LRFN5: variants seen among roughly 807,000 people sequenced by gnomAD.
LRFN5 encodes leucine-rich repeat and fibronectin type-III domain-containing protein 5.
Under a neutral mutation model 45.6 loss-of-function variants are expected in LRFN5, and 24 were observed. The ratio of observed to expected loss-of-function variants is 0.53; its 90% CI spans 0.38 to 0.74. The LOEUF (loss-of-function observed/expected upper bound fraction) is 0.74. Ranked by LOEUF, LRFN5 falls within the 30% of genes least tolerant of loss-of-function variation. The probability of loss-of-function intolerance (pLI) is 0.00; values close to 1 mark genes in which losing one functional copy is unlikely to be tolerated. For missense variants in LRFN5, 776 were observed against 861.5 expected (o/e 0.90, Z 1.24); for synonymous variants, 340 against 313.8 (o/e 1.08, Z -0.88).
chr14:41,645,696 A>T (rs1048688757), intron 1 of LRFN5, among the ~76,000 whole-genome samples: 1 of 152,158 alleles, frequency 6.6e-6, no homozygotes, highest in Non-Finnish European at 1.5e-5. Context: ...GTCATGATTC[A>T]TCTTTCTTAC....
intron 2 of LRFN5, among the ~76,000 whole-genome samples, chr14:41,792,060 G>T (rs1054256430): frequency 2.0e-5 from 3 of 152,052 alleles, no homozygotes; most frequent in African/African-American, 4.8e-5. Flanking sequence ...AAGAAATAAA[G>T]AGAAAGAATA....
Position 41,608,474 on chromosome 14 carries a change from CTG to C in LRFN5, c.-282_-281del, listed in dbSNP as rs1255351208. 2.0e-5 allele frequency: 3 copies of C among 152,724 alleles called. No individual in the cohort carries two copies. The highest frequency in any genetic ancestry group is 2.9e-5 in the Non-Finnish European group (2 of 68,112). 9.5% of individuals were successfully genotyped at this position (152,724 alleles called of 1,614,324 possible). On this transcript the variant is annotated 5_prime_UTR_variant, in exon 1 of 6. The change abolishes the stop of an existing upstream ORF in the 5' untranslated region. Coordinates refer to ENST00000298119, the MANE Select transcript of LRFN5 (RefSeq NM_152447.5). ...AGTGACGAGCGAGACCCGCGTACGA[CTG>C]TGAAAGCCACCTGGAGCCACCTTGC... is the stretch of plus-strand genomic sequence containing the variant.
chr14:41,698,346 T>C (rs952833052), intron 1 of LRFN5, among the ~76,000 whole-genome samples: 4 of 152,124 alleles, frequency 2.6e-5, no homozygotes, highest in Admixed American at 1.3e-4. Context: ...ATTTAGGCAC[T>C]GCTCCAGGCC....
At chr14:41,653,464 TTC>T (rs1374982150) in intron 1 of LRFN5, among the ~76,000 whole-genome samples, 2 of 152,154 alleles carry the variant, frequency 1.3e-5, no homozygotes, top group African/African-American at 4.8e-5. Context: ...AGAAATAAAT[TTC>T]TGTTTTTTAT....
At chr14:41,732,977 T>C (rs78373761) in intron 1 of LRFN5, among the ~76,000 whole-genome samples, 3,448 of 151,812 alleles carry the variant, frequency 0.023, 62 homozygotes, top group Middle Eastern at 0.058. Context: ...ATAGAAAGAT[T>C]TCATCAGGCT....
At chr14:41,873,019 A>T (rs1243022469) in intron 2 of LRFN5, among the ~76,000 whole-genome samples, 1 of 152,182 alleles carries the variant, frequency 6.6e-6, no homozygotes, top group East Asian at 1.9e-4. Flanking sequence ...TTTAAAATTC[A>T]CTGAGTTGAT....
chr14:41,649,626 A>C (rs1321981554), intron 1 of LRFN5, among the ~76,000 whole-genome samples: 4 of 152,154 alleles, frequency 2.6e-5, no homozygotes, highest in African/African-American at 9.7e-5. Flanking sequence ...CATCCTCAAT[A>C]TCTGATCATC....
At chr14:41,704,534 C>T (rs2138732229) in intron 1 of LRFN5, among the ~76,000 whole-genome samples, 1 of 151,312 alleles carries the variant, frequency 6.6e-6, no homozygotes, top group Admixed American at 6.6e-5. Context: ...TCATAGTGTA[C>T]CACAGTCTTG....
chr14:41,647,466 C>T (rs951996452), intron 1 of LRFN5, among the ~76,000 whole-genome samples: 12 of 152,010 alleles, frequency 7.9e-5, no homozygotes, highest in Admixed American at 5.9e-4. Flanking sequence ...GATGTAGGTA[C>T]GTCAGGAGAT....
At chr14:41,759,568 G>A (rs570416103) in intron 1 of LRFN5, among the ~76,000 whole-genome samples, 3 of 150,660 alleles carry the variant, frequency 2.0e-5, no homozygotes, top group East Asian at 1.9e-4. Flanking sequence ...AATTAGACAA[G>A]CACAGGTAAA....
chr14:41,772,559 G>C (rs1176492890), intron 2 of LRFN5, among the ~76,000 whole-genome samples: 3 of 152,064 alleles, frequency 2.0e-5, no homozygotes, highest in African/African-American at 7.2e-5. Context: ...CATTCACTTT[G>C]CAAAGAAGAA....
chr14:41,844,495 G>T (rs1221196413), intron 2 of LRFN5, among the ~76,000 whole-genome samples: 5 of 151,660 alleles, frequency 3.3e-5, no homozygotes, highest in African/African-American at 9.7e-5. Flanking sequence ...TGGAGTTGCG[G>T]TAAGATGGGA....
At chr14:41,773,266 C>T (rs952730465) in intron 2 of LRFN5, among the ~76,000 whole-genome samples, 3 of 152,174 alleles carry the variant, frequency 2.0e-5, no homozygotes, top group African/African-American at 7.2e-5. Context: ...TCTCCCTGAG[C>T]AGCTCACTTT....
At chr14:41,711,043 C>G (rs867753336) in intron 1 of LRFN5, among the ~76,000 whole-genome samples, 54 of 152,166 alleles carry the variant, frequency 3.5e-4, no homozygotes, top group South Asian at 2.5e-3. Flanking sequence ...TGACTCCACT[C>G]TGAAAATCAC....
chr14:41,722,376 G>C (rs917814344), intron 1 of LRFN5, among the ~76,000 whole-genome samples: 1 of 152,004 alleles, frequency 6.6e-6, no homozygotes, highest in Non-Finnish European at 1.5e-5. Context: ...TTTCCATTTT[G>C]GTTAGTGACC....
intron 1 of LRFN5, among the ~76,000 whole-genome samples, chr14:41,621,134 A>C (rs569662905): frequency 1.3e-5 from 2 of 152,226 alleles, no homozygotes; most frequent in Admixed American, 1.3e-4. Flanking sequence ...ATACACGAAA[A>C]AGAAAAGAGT....
chr14:41,799,186 C>A (rs767084921), intron 2 of LRFN5, among the ~76,000 whole-genome samples: 2 of 151,984 alleles, frequency 1.3e-5, no homozygotes, highest in Non-Finnish European at 2.9e-5. Context: ...GGTTGTTGCA[C>A]TGGGCCAAGG....
chr14:41,786,536 T>C (rs1886726233), intron 2 of LRFN5, among the ~76,000 whole-genome samples: 1 of 117,692 alleles, frequency 8.5e-6, no homozygotes, highest in Non-Finnish European at 1.8e-5. Context: ...AATTTTCCTC[T>C]TTATGAGTTT....
intron 5 of LRFN5, among the ~76,000 whole-genome samples, chr14:41,903,500 G>A (rs771249212): frequency 9.3e-5 from 14 of 151,212 alleles, no homozygotes; most frequent in Non-Finnish European, 1.6e-4. Flanking sequence ...TTAAATCCAT[G>A]AAGACTGAGA....
Sources: gnomAD v4.1 joint callset for allele counts (sites outside exome capture counted in the v4.1 genomes callset) on GRCh38, gnomAD v4.1.1 for gene constraint, MANE v1.5 for transcripts, NCBI Gene and HGNC (gene_info 2026-07-23, HGNC 2026-07-21) for gene names.